The following GAREM1 variants were observed in gnomAD, a reference collection of about 807,000 sequenced individuals.
GAREM1 encodes GRB2-associated and regulator of MAPK protein 1.
In GAREM1, 26 loss-of-function variants were observed where a neutral mutation model predicts 71.3. That is an observed-to-expected ratio of 0.36 (90% confidence interval 0.27 to 0.51). GAREM1 has a LOEUF of 0.51. Among genes scored for constraint, GAREM1 ranks in the 20% least tolerant of loss-of-function variants. GAREM1 has a pLI of 0.95. For synonymous variants in GAREM1, 440 were observed against 433.2 expected, an observed-to-expected ratio of 1.02 and a Z score of -0.20; for missense variants, 1,026 against 1,103.1, an observed-to-expected ratio of 0.93 and a Z score of 0.99.
rs541655469 is a variant in GAREM1 at position 32,328,683 on chromosome 18, A to C, written c.263-18360T>G. Reference sequence around the variant, plus strand: ...CACCACAAGCCAACTGGAAAAGATCACTTAGTCTCTGGTGCTGGTAAAACT... The same window carrying C: ...CACCACAAGCCAACTGGAAAAGATCCCTTAGTCTCTGGTGCTGGTAAAACT... On this transcript the variant is annotated intron_variant, in intron 2 of 5. Transcript: ENST00000269209. 4.6e-5 allele frequency among the ~76,000 whole-genome samples: 7 copies of C among 152,348 alleles called. No individual in the cohort carries two copies. The South Asian group carries it at 1.4e-3, about 32-fold the overall frequency.
intron 4 of GAREM1, among the ~76,000 whole-genome samples, chr18:32,280,255 CT>C (rs1215151225): frequency 1.3e-5 from 2 of 152,178 alleles, no homozygotes; most frequent in Admixed American, 1.3e-4. Flanking sequence ...CAATTCTTAG[CT>C]ACTTTCCACA....
At chr18:32,342,465 G>A (rs1002433529) in intron 2 of GAREM1, among the ~76,000 whole-genome samples, 2 of 152,062 alleles carry the variant, frequency 1.3e-5, no homozygotes, top group African/African-American at 4.8e-5. Context: ...CCACCAACCC[G>A]TCCTGTGACT....
chr18:32,395,814 A>C (rs2048248670), intron 1 of GAREM1, among the ~76,000 whole-genome samples: 1 of 152,192 alleles, frequency 6.6e-6, no homozygotes, highest in Admixed American at 6.5e-5. Flanking sequence ...TGAAGAGTGT[A>C]GTGGTTCTCC....
At chr18:32,364,024 A>ATTTTT (rs1292370389) in intron 2 of GAREM1, among the ~76,000 whole-genome samples, 3 of 52,186 alleles carry the variant, frequency 5.7e-5, no homozygotes, top group African/African-American at 4.6e-4. Flanking sequence ...ATATATATAT[A>ATTTTT]TATGTTTTTT....
At chr18:32,460,384 C>T (rs559854328) in intron 1 of GAREM1, among the ~76,000 whole-genome samples, 1 of 152,240 alleles carries the variant, frequency 6.6e-6, no homozygotes, top group Non-Finnish European at 1.5e-5. Flanking sequence ...TATTAAACAA[C>T]CATAAGGTCA....
intron 2 of GAREM1, among the ~76,000 whole-genome samples, chr18:32,368,872 G>A (rs2047951121): frequency 6.6e-6 from 1 of 151,964 alleles, no homozygotes; most frequent in African/African-American, 2.4e-5. Flanking sequence ...ACCAACAAAA[G>A]GTAATGCCTA....
At chr18:32,467,851 A>C (rs1194884074) in intron 1 of GAREM1, among the ~76,000 whole-genome samples, 4 of 152,188 alleles carry the variant, frequency 2.6e-5, no homozygotes, top group Non-Finnish European at 5.9e-5. Context: ...CACAAAACTT[A>C]AGATTTCACC....
At chr18:32,364,404 C>T (rs940314935) in intron 2 of GAREM1, among the ~76,000 whole-genome samples, 9 of 152,066 alleles carry the variant, frequency 5.9e-5, no homozygotes, top group Admixed American at 2.0e-4. Flanking sequence ...CCCCTACCCA[C>T]ACGTACACAC....
At chr18:32,398,991 C>T (rs933867633) in intron 1 of GAREM1, among the ~76,000 whole-genome samples, 12 of 152,180 alleles carry the variant, frequency 7.9e-5, no homozygotes, top group Admixed American at 6.5e-4. Context: ...TGGGCTTCAT[C>T]CCTGGGATGC....
intron 3 of GAREM1, among the ~76,000 whole-genome samples, chr18:32,297,228 A>C (rs2047150588): frequency 6.6e-6 from 1 of 152,230 alleles, no homozygotes; most frequent in Admixed American, 6.5e-5. Flanking sequence ...GGCCTTTGGA[A>C]ACTGACAGAT....
chr18:32,457,224 AGAGTGTGTGTGT>A (rs1245186539), intron 1 of GAREM1, among the ~76,000 whole-genome samples: 35 of 107,398 alleles, frequency 3.3e-4, no homozygotes, highest in African/African-American at 1.1e-3. Flanking sequence ...AGAGAGAGAG[AGAGTGTGTGTGT>A]GTGTGTGTGT....
chr18:32,350,687 C>G (rs1483280283), intron 2 of GAREM1, among the ~76,000 whole-genome samples: 2 of 152,140 alleles, frequency 1.3e-5, no homozygotes, highest in African/African-American at 4.8e-5. Context: ...TTACGAATCA[C>G]TTTAAAATTC....
intron 1 of GAREM1, among the ~76,000 whole-genome samples, chr18:32,414,349 G>A (rs2048447551): frequency 6.6e-6 from 1 of 151,932 alleles, no homozygotes; most frequent in Non-Finnish European, 1.5e-5. Flanking sequence ...CGAAGAAAGA[G>A]AGACAGTTGG....
chr18:32,286,343 T>G (rs2047017991), intron 4 of GAREM1, among the ~76,000 whole-genome samples: 1 of 151,076 alleles, frequency 6.6e-6, no homozygotes, highest in Admixed American at 6.6e-5. Flanking sequence ...TGTGTGTGTG[T>G]GTGTGTGTGT....
chr18:32,440,997 ATC>A (rs1568012491), intron 1 of GAREM1, among the ~76,000 whole-genome samples: 1 of 152,244 alleles, frequency 6.6e-6, no homozygotes, highest in Non-Finnish European at 1.5e-5. Context: ...ATTTTATGAC[ATC>A]TTTTTCTTTC....
At chr18:32,296,478 C>T (rs1036325891) in intron 3 of GAREM1, among the ~76,000 whole-genome samples, 1 of 151,948 alleles carries the variant, frequency 6.6e-6, no homozygotes, top group Non-Finnish European at 1.5e-5. Flanking sequence ...TTTTGATATC[C>T]CAGGATCAAG....
chr18:32,292,236 T>G (rs140436689), intron 3 of GAREM1, among the ~76,000 whole-genome samples: 2,178 of 152,332 alleles, frequency 0.014, 60 homozygotes, highest in African/African-American at 0.05. Context: ...ATTTCTCTAA[T>G]GACCAGTGAT....
chr18:32,413,952 T>G (rs2048443879), intron 1 of GAREM1, among the ~76,000 whole-genome samples: 1 of 152,156 alleles, frequency 6.6e-6, no homozygotes, highest in Non-Finnish European at 1.5e-5. Flanking sequence ...CACTTAGTCA[T>G]ACTTACATAG....
chr18:32,334,212 T>C (rs1827729991), intron 2 of GAREM1, among the ~76,000 whole-genome samples: 1 of 152,178 alleles, frequency 6.6e-6, no homozygotes. Context: ...GAGAGCTTTA[T>C]AGAAGACTTA....
Sources: gnomAD v4.1 joint callset for allele counts (sites outside exome capture counted in the v4.1 genomes callset) on GRCh38, gnomAD v4.1.1 for gene constraint, MANE v1.5 for transcripts, NCBI Gene and HGNC (gene_info 2026-07-23, HGNC 2026-07-21) for gene names.